The following USP32 variants were observed in gnomAD, a reference collection of about 807,000 sequenced individuals.
USP32 encodes ubiquitin carboxyl-terminal hydrolase 32.
In USP32, 59 loss-of-function variants were observed where a neutral mutation model predicts 204.8. The ratio of observed to expected loss-of-function variants is 0.29; its 90% CI spans 0.23 to 0.36. USP32 has a LOEUF of 0.36. Among genes scored for constraint, USP32 ranks in the 10% least tolerant of loss-of-function variants. The pLI is 1.00. For missense variants in USP32, 1,160 were observed against 1,946.4 expected, an observed-to-expected ratio of 0.60 and a Z score of 7.60; for synonymous variants, 517 against 678.4, an observed-to-expected ratio of 0.76 and a Z score of 3.70.
chr17:60,391,055 G>A (rs991337174), intron 1 of USP32, among the ~76,000 whole-genome samples: 1 of 152,184 alleles, frequency 6.6e-6, no homozygotes, highest in Non-Finnish European at 1.5e-5. Flanking sequence ...CTGTGCCTCA[G>A]AGCCAATAAG....
chr17:60,345,480 C>T lies in USP32; in HGVS notation c.186+1G>A. The T allele has an allele frequency of 6.2e-7, 1 of 1,613,598 alleles. No individual in the cohort carries two copies. Among genetic ancestry groups the T allele is most frequent in the Non-Finnish European group, 8.5e-7 (1 of 1,179,846 alleles). On this transcript the variant is annotated splice_donor_variant, in intron 2 of 33. Coordinates refer to ENST00000300896, the MANE Select transcript of USP32 (RefSeq NM_032582.4). LOFTEE classifies it high-confidence loss of function. The stretch of plus-strand genomic sequence containing the variant: ...AGGAAAACTTAGAACAAAAAGATTA[C>T]CTCAGCAACCTTTGGAGGCACTCCA...
intron 11 of USP32, among the ~76,000 whole-genome samples, chr17:60,247,791 C>T: frequency 6.6e-6 from 1 of 151,662 alleles, no homozygotes; most frequent in East Asian, 1.9e-4. Context: ...TCAAGCGATT[C>T]TCCTGCCTCA....
intron 29 of USP32, among the ~76,000 whole-genome samples, chr17:60,187,971 CT>C (rs2084291165): frequency 6.6e-6 from 1 of 151,928 alleles, no homozygotes; most frequent in Non-Finnish European, 1.5e-5. Flanking sequence ...GCTTAATTTT[CT>C]TTTTTTCTTT....
chr17:60,369,216 G>C (rs2089387465), intron 1 of USP32, among the ~76,000 whole-genome samples: 4 of 146,224 alleles, frequency 2.7e-5, no homozygotes, highest in Admixed American at 2.7e-4. Flanking sequence ...GGATGGTCTC[G>C]ATCTCCTGAC....
chr17:60,258,867 T>C (rs894562979), intron 9 of USP32, among the ~76,000 whole-genome samples: 8 of 152,198 alleles, frequency 5.3e-5, no homozygotes, highest in Non-Finnish European at 1.2e-4. Context: ...GGTAAATTAG[T>C]CTAACACAGG....
intron 1 of USP32, chr17:60,421,768 C>T: frequency 2.2e-6 from 2 of 896,562 alleles, no homozygotes; most frequent in Non-Finnish European, 2.7e-6. Flanking sequence ...CCCTCGGCCT[C>T]GGGTCCCTGG....
intron 7 of USP32, among the ~76,000 whole-genome samples, chr17:60,268,075 T>C (rs914338890): frequency 2.0e-5 from 3 of 152,182 alleles, no homozygotes; most frequent in African/African-American, 7.2e-5. Flanking sequence ...CCTCCCAAAG[T>C]GTTGGGATTA....
chr17:60,332,478 A>C (rs1567857254), intron 2 of USP32, among the ~76,000 whole-genome samples: 1 of 151,078 alleles, frequency 6.6e-6, no homozygotes, highest in Non-Finnish European at 1.5e-5. Flanking sequence ...TGAAACCACG[A>C]CTCTACTAAA....
intron 1 of USP32, among the ~76,000 whole-genome samples, chr17:60,354,093 T>C (rs1041026568): frequency 6.6e-6 from 1 of 152,226 alleles, no homozygotes; most frequent in Admixed American, 6.5e-5. Flanking sequence ...AGGTAAGCTT[T>C]TTTCTTGAAG....
At chr17:60,420,294 G>A (rs778746603) in intron 1 of USP32, among the ~76,000 whole-genome samples, 23 of 151,930 alleles carry the variant, frequency 1.5e-4, no homozygotes, top group Admixed American at 1.5e-3. Context: ...GCACCCGGCA[G>A]AATTATGTTG....
intron 1 of USP32, among the ~76,000 whole-genome samples, chr17:60,370,964 A>G (rs2089428712): frequency 6.6e-6 from 1 of 151,940 alleles, no homozygotes; most frequent in Admixed American, 6.6e-5. Flanking sequence ...ATGGTGGCTC[A>G]TGCCTATAAT....
chr17:60,280,809 G>C (rs1047075159), intron 5 of USP32, among the ~76,000 whole-genome samples: 1 of 152,172 alleles, frequency 6.6e-6, no homozygotes, highest in Non-Finnish European at 1.5e-5. Context: ...GACATCAATA[G>C]TGAATTGTTT....
rs2084873756 is a variant in USP32 at position 60,208,066 on chromosome 17, T to G, written c.2918A>C (p.Asn973Thr). The G allele has an allele frequency of 1.9e-6, 3 of 1,556,890 alleles. No homozygotes were observed. Residue 973 changes from asparagine (N) to threonine (T), a missense_variant, in exon 24 of 34, where the codon AAC becomes ACC. Physicochemically the swap from Asn to Thr is moderately conservative, Grantham distance 65. Around this residue, in one of 8 missense-constraint regions of USP32, gnomAD observed 132 missense variants for 432.8 expected, o/e 0.30. Coordinates refer to ENST00000300896, the MANE Select transcript of USP32 (RefSeq NM_032582.4). ...TAGAGTAGTTAATATTACCTTTATG[T>G]TGGAACCATGTACTTCTGCTAGAAG... ...QILLAEVHGS[N>T]IKNFPQDNQK...
intron 27 of USP32, among the ~76,000 whole-genome samples, chr17:60,193,856 T>C (rs1423492516): frequency 6.6e-6 from 1 of 152,210 alleles, no homozygotes; most frequent in East Asian, 1.9e-4. Context: ...TAGCCTGTAC[T>C]GTCTAGTACC....
At chr17:60,246,419 T>A (rs574108016) in intron 11 of USP32, among the ~76,000 whole-genome samples, 2,260 of 151,704 alleles carry the variant, frequency 0.015, 59 homozygotes, top group African/African-American at 0.051. Context: ...ATATATTTTT[T>A]TTTTTTCTTT....
chr17:60,248,712 C>A (rs909210381), intron 11 of USP32, among the ~76,000 whole-genome samples: 20 of 152,066 alleles, frequency 1.3e-4, no homozygotes, highest in Non-Finnish European at 1.5e-5. Flanking sequence ...ATCATACATT[C>A]CTCTAATTCT....
At chr17:60,291,664 A>G (rs1291503679) in intron 4 of USP32, among the ~76,000 whole-genome samples, 1 of 152,098 alleles carries the variant, frequency 6.6e-6, no homozygotes, top group Non-Finnish European at 1.5e-5. Context: ...TCTACATGCA[A>G]TCATCGACAC....
Position 60,190,637 on chromosome 17 carries a change from T to C in USP32, c.3568A>G (p.Ile1190Val). 2 of 1,605,602 alleles carry C rather than the reference T, an allele frequency of 1.2e-6. No homozygotes were observed. Among genetic ancestry groups the C allele is most frequent in the Non-Finnish European group, 8.5e-7 (1 of 1,177,798 alleles). ...KIDCGEDRAF[I>V]GNAYIAVDWD... ...TCCACAGCGATATAGGCATTTCCAA[T>C]GAAAGCTCTGTCTTCCCCACAATCA... Residue 1190 changes from isoleucine to valine, a missense_variant, in exon 29 of 34, where the codon ATT becomes GTT. By Grantham distance (29) the Ile-to-Val change is conservative. Around this residue, in one of 8 missense-constraint regions of USP32, gnomAD observed 160 missense variants for 322.5 expected, o/e 0.50. Transcript: ENST00000300896.
intron 11 of USP32, 86 bp downstream of exon 11, chr17:60,252,295 A>G (rs1184688899): frequency 6.5e-6 from 7 of 1,071,622 alleles, no homozygotes; most frequent in Non-Finnish European, 9.6e-6. Flanking sequence ...TAATGATTAC[A>G]TTAAAATAGG....
Sources: gnomAD v4.1 joint callset for allele counts (sites outside exome capture counted in the v4.1 genomes callset) on GRCh38, gnomAD v4.1.1 for gene constraint, gnomAD v4.1.1 regional missense constraint, MANE v1.5 for transcripts, NCBI Gene and HGNC (gene_info 2026-07-23, HGNC 2026-07-21) for gene names.